Variants in ZFAND3 observed in about 807,000 individuals in gnomAD.
ZFAND3 encodes AN1-type zinc finger protein 3.
In ZFAND3, 10 loss-of-function variants were observed where a neutral mutation model predicts 29.6. The ratio of observed to expected loss-of-function variants is 0.34; its 90% CI spans 0.21 to 0.57. The LOEUF (loss-of-function observed/expected upper bound fraction) is 0.57. Ranked by LOEUF, ZFAND3 falls within the 20% of genes least tolerant of loss-of-function variation. ZFAND3 has a pLI of 0.86. For missense variants in ZFAND3, 230 were observed against 304.5 expected (o/e 0.76, Z 1.82); for synonymous variants, 128 against 112.6 (o/e 1.14, Z -0.87).
rs140694210 is a variant in ZFAND3 at position 37,850,669 on chromosome 6, A to G, written c.71+30653A>G. ...AGTTGTGTAGTAGGATATATCATCA[A>G]GGTTTTTCTAAGTACACTGTATGGT... On this transcript the variant is annotated intron_variant, in intron 1 of 5. Coordinates refer to ENST00000287218, the MANE Select transcript of ZFAND3 (RefSeq NM_021943.3). 2.1e-4 allele frequency among the ~76,000 whole-genome samples: 32 copies of G among 152,326 alleles called. No homozygotes were observed. The East Asian group carries it at 5.8e-3, about 28-fold the overall frequency.
intron 1 of ZFAND3, among the ~76,000 whole-genome samples, chr6:37,909,048 A>G (rs531062391): frequency 1.3e-4 from 20 of 152,226 alleles, no homozygotes; most frequent in South Asian, 1.0e-3. Context: ...GACTTGTTAC[A>G]TTGTATTTTA....
intron 4 of ZFAND3, among the ~76,000 whole-genome samples, chr6:38,090,138 C>G (rs1166367858): frequency 6.6e-6 from 1 of 152,176 alleles, no homozygotes; most frequent in Non-Finnish European, 1.5e-5. Context: ...CAGGTGTGCT[C>G]TGTGGCATTT....
Position 37,914,642 on chromosome 6 carries a change from TTTTC to T in ZFAND3, c.72-15297_72-15294del, listed in dbSNP as rs143078312. 1.2e-3 allele frequency among the ~76,000 whole-genome samples: 176 copies of T among 143,358 alleles called. 5 individuals carry two copies. Among genetic ancestry groups the T allele is most frequent in the Admixed American group, 9.2e-3 (133 of 14,466 alleles). The allele number at this position is 143,358 out of a possible 152,430, so 94.0% of individuals were successfully genotyped here. A position where few individuals can be genotyped will look rare whatever the true frequency, so the allele number is the denominator to read the frequency against. On this transcript the variant is annotated intron_variant, in intron 1 of 5. Transcript: ENST00000287218. ...GGATCACAGGTGTGACCCATAATTA[TTTTC>T]TTTCTTTCTTTCTTTCTTTTTTTTT...
intron 4 of ZFAND3, among the ~76,000 whole-genome samples, chr6:38,089,054 G>A (rs1764812404): frequency 6.6e-6 from 1 of 151,988 alleles, no homozygotes; most frequent in African/African-American, 2.4e-5. Context: ...GAATAGCTTT[G>A]TATTGTTCAT....
rs56045448 is a variant in ZFAND3 at position 37,913,708 on chromosome 6, C to CTTTTTTTTTTTTTT, written c.72-16245_72-16232dup. On this transcript the variant is annotated intron_variant, in intron 1 of 5. Transcript: ENST00000287218. ...CCCAGCTGTCTATGGCAGCTATATT[C>CTTTTTTTTTTTTTT]TTTTTTTTTTTTTTTTTTTGAGACA... Among the ~76,000 whole-genome samples, 663 of 112,948 alleles carry CTTTTTTTTTTTTTT rather than the reference C, an allele frequency of 5.9e-3. 32 individuals carry two copies. Among genetic ancestry groups the CTTTTTTTTTTTTTT allele is most frequent in the Non-Finnish European group, 8.9e-3 (482 of 54,308 alleles). 74.1% of individuals were successfully genotyped at this position (112,948 alleles called of 152,430 possible).
intron 2 of ZFAND3, among the ~76,000 whole-genome samples, chr6:38,028,383 C>T (rs1318085704): frequency 6.6e-6 from 1 of 151,536 alleles, no homozygotes; most frequent in Non-Finnish European, 1.5e-5. Flanking sequence ...ACCAAATTTT[C>T]TGTGTTGTAT....
chr6:37,981,082 A>G (rs556041736), intron 2 of ZFAND3, among the ~76,000 whole-genome samples: 1 of 152,346 alleles, frequency 6.6e-6, no homozygotes, highest in African/African-American at 2.4e-5. Flanking sequence ...TGAGTTTCCT[A>G]AAAGGGAAAT....
At chr6:38,060,419 T>C (rs913474112) in intron 2 of ZFAND3, among the ~76,000 whole-genome samples, 7 of 151,584 alleles carry the variant, frequency 4.6e-5, no homozygotes, top group African/African-American at 1.7e-4. Flanking sequence ...GGTTCTTTTT[T>C]TTCCTCTTCT....
At chr6:38,101,760 G>A (rs1354975891) in intron 4 of ZFAND3, among the ~76,000 whole-genome samples, 2 of 113,996 alleles carry the variant, frequency 1.8e-5, no homozygotes, top group East Asian at 2.8e-4. Context: ...GCAACAGAGC[G>A]AGACTCCCTC....
intron 1 of ZFAND3, among the ~76,000 whole-genome samples, chr6:37,873,907 C>T (rs1192652712): frequency 2.0e-5 from 3 of 152,136 alleles, no homozygotes; most frequent in East Asian, 1.9e-4. Context: ...ATTCGAATTT[C>T]GTATAATTTT....
At chr6:37,896,568 T>TTCTTTCTTTCTTTC (rs1347314739) in intron 1 of ZFAND3, among the ~76,000 whole-genome samples, 2 of 145,636 alleles carry the variant, frequency 1.4e-5, no homozygotes, top group Admixed American at 1.4e-4. Flanking sequence ...CTTTCTTTCT[T>TTCTTTCTTTCTTTC]TCTCTCTTTC....
At chr6:37,983,321 A>G (rs1389521712) in intron 2 of ZFAND3, among the ~76,000 whole-genome samples, 1 of 128,186 alleles carries the variant, frequency 7.8e-6, no homozygotes, top group Non-Finnish European at 1.6e-5. Context: ...TAAGTGTCCT[A>G]TACAGGTGTA....
At chr6:38,000,920 C>T (rs1317344031) in intron 2 of ZFAND3, among the ~76,000 whole-genome samples, 1 of 152,216 alleles carries the variant, frequency 6.6e-6, no homozygotes, top group East Asian at 1.9e-4. Context: ...CTGAGTCTTG[C>T]GCCTACCTTC....
intron 3 of ZFAND3, among the ~76,000 whole-genome samples, chr6:38,063,763 C>T (rs557742989): frequency 3.9e-5 from 6 of 152,108 alleles, no homozygotes; most frequent in Non-Finnish European, 8.8e-5. Context: ...TCCAGCTAAG[C>T]TATTTGGACT....
chr6:38,154,502 T>C lies in ZFAND3; in HGVS notation c.*2113T>C. The C allele has an allele frequency of 1.0e-6, 1 of 981,838 alleles. No homozygotes were observed. Among genetic ancestry groups the C allele is most frequent in the Non-Finnish European group, 1.2e-6 (1 of 826,252 alleles). The allele number at this position is 981,838 out of a possible 1,614,324, so 60.8% of individuals were successfully genotyped here. On this transcript the variant is annotated 3_prime_UTR_variant, in exon 6 of 6. Coordinates refer to ENST00000287218, the MANE Select transcript of ZFAND3 (RefSeq NM_021943.3). ...TTATTTAACCCTTTTGTGTTCTAGA[T>C]TTACTTACACACATAGCCTAGAGCT...
intron 5 of ZFAND3, among the ~76,000 whole-genome samples, chr6:38,125,809 A>G (rs1765623883): frequency 6.6e-6 from 1 of 152,210 alleles, no homozygotes; most frequent in Non-Finnish European, 1.5e-5. Context: ...TCTTTGTTTA[A>G]TAAAGTTTTT....
At chr6:37,820,574 G>T (rs1043401731) in intron 1 of ZFAND3, among the ~76,000 whole-genome samples, 2 of 152,212 alleles carry the variant, frequency 1.3e-5, no homozygotes, top group Non-Finnish European at 2.9e-5. Context: ...CCAGAACCAG[G>T]CTGGGGTAAA....
At chr6:38,069,803 G>A (rs918554397) in intron 3 of ZFAND3, among the ~76,000 whole-genome samples, 4 of 152,184 alleles carry the variant, frequency 2.6e-5, no homozygotes, top group East Asian at 3.8e-4. Flanking sequence ...ACTTGTTTAA[G>A]TACTGGTAGT....
At chr6:37,932,984 T>G (rs896888218) in intron 2 of ZFAND3, among the ~76,000 whole-genome samples, 1 of 152,190 alleles carries the variant, frequency 6.6e-6, no homozygotes, top group Non-Finnish European at 1.5e-5. Flanking sequence ...CTTTAGAAAT[T>G]CAAAAGAAAA....
Sources: gnomAD v4.1 joint callset for allele counts (sites outside exome capture counted in the v4.1 genomes callset) on GRCh38, gnomAD v4.1.1 for gene constraint, MANE v1.5 for transcripts, NCBI Gene and HGNC (gene_info 2026-07-23, HGNC 2026-07-21) for gene names.